The following WAPL variants were observed in gnomAD, a reference collection of about 807,000 sequenced individuals.
WAPL encodes the protein wings apart-like protein homolog.
Under a neutral mutation model 121.0 loss-of-function variants are expected in WAPL, and 5 were observed. The observed-to-expected ratio is 0.04, with a 90% CI of 0.02 to 0.09. WAPL has a LOEUF of 0.09. Ranked by LOEUF, WAPL falls within the 10% of genes least tolerant of loss-of-function variation. WAPL has a pLI of 1.00. For synonymous variants in WAPL, 480 were observed against 481.5 expected (o/e 1.00, Z 0.04); for missense variants, 999 against 1,410.8 (o/e 0.71, Z 4.68).
chr10:86,467,584 A>C, intron 8 of WAPL, 78 bp from the exon 9 acceptor site: 1 of 1,083,190 alleles, frequency 9.2e-7, no homozygotes, highest in Non-Finnish European at 1.3e-6. Flanking sequence ...AAGACTATTA[A>C]TGACTTTTGT....
At position 86,437,478 on chromosome 10, in the gene WAPL, C is replaced by T. The variant is rs1849352867; in HGVS notation, c.*65G>A. 6.5e-7 allele frequency: 1 copy of T among 1,540,448 alleles called. No homozygotes were observed. Among genetic ancestry groups the T allele is most frequent in the Middle Eastern group, 1.7e-4 (1 of 5,882 alleles). On this transcript the variant is annotated 3_prime_UTR_variant, in exon 19 of 19. Coordinates refer to ENST00000298767, the MANE Select transcript of WAPL (RefSeq NM_015045.5). ...ATATCTTCAAGGACTTCTTTCATGACTTGACTTTTCTTTGTCTAAGGATAG... is the reference window on the plus strand; with the variant it reads ...ATATCTTCAAGGACTTCTTTCATGATTTGACTTTTCTTTGTCTAAGGATAG...
chr10:86,467,394 T>C lies in WAPL; in HGVS notation c.2255A>G (p.Gln752Arg), dbSNP rs1483852139. 1 of 1,614,146 alleles carries C rather than the reference T, an allele frequency of 6.2e-7. No homozygotes were observed. The highest frequency in any genetic ancestry group is 8.5e-7 in the Non-Finnish European group (1 of 1,180,018). ...DLMIRLLELEQDASSAKLLNE... is the reference protein window; with the variant it reads ...DLMIRLLELERDASSAKLLNE... ...CAGTAGCTTGGCTGATGAAGCATCT[T>C]GTTCCAGTTCCAAAAGTCGAATCAT... is the stretch of plus-strand genomic sequence containing the variant. Residue 752 changes from glutamine to arginine, a missense_variant, in exon 9 of 19, where the codon CAA becomes CGA. Around this residue, in one of 7 missense-constraint regions of WAPL, gnomAD observed 118 missense variants for 318.3 expected, o/e 0.37. Coordinates refer to ENST00000298767, the MANE Select transcript of WAPL (RefSeq NM_015045.5).
At chr10:86,518,162 A>C in intron 1 of WAPL, 71 bp from the exon 2 acceptor site, 1 of 1,419,872 alleles carries the variant, frequency 7.0e-7, no homozygotes, top group Non-Finnish European at 9.4e-7. Context: ...TAAAAATAAA[A>C]ACCTAGGGAT....
At chr10:86,461,135 TTAAA>T (rs1841263105) in intron 10 of WAPL, 37 bp downstream of exon 10, 1 of 1,461,926 alleles carries the variant, frequency 6.8e-7, no homozygotes. Context: ...TCTTCAGGCT[TTAAA>T]TAATATATAA....
At chr10:86,479,461 C>G (rs1841732310) in intron 4 of WAPL, among the ~76,000 whole-genome samples, 1 of 152,160 alleles carries the variant, frequency 6.6e-6, no homozygotes, top group Non-Finnish European at 1.5e-5. Context: ...GCCATGTTGG[C>G]CAGGCTGGTC....
chr10:86,491,678 T>C (rs1842051669), intron 4 of WAPL, among the ~76,000 whole-genome samples: 1 of 148,542 alleles, frequency 6.7e-6, no homozygotes. Context: ...TTCAAAAGGA[T>C]ACAAGAGACC....
intron 2 of WAPL, among the ~76,000 whole-genome samples, chr10:86,506,513 G>A (rs530936857): frequency 1.1e-4 from 17 of 152,162 alleles, no homozygotes; most frequent in African/African-American, 3.9e-4. Flanking sequence ...GGTGGCTCAC[G>A]CCTGTAATCC....
At chr10:86,492,978 G>C (rs1008227942) in intron 4 of WAPL, among the ~76,000 whole-genome samples, 1 of 151,728 alleles carries the variant, frequency 6.6e-6, no homozygotes, top group Non-Finnish European at 1.5e-5. Flanking sequence ...GGAGAATGGC[G>C]TGAATCCAGG....
At chr10:86,444,478 A>G (rs1849552916) in intron 16 of WAPL, among the ~76,000 whole-genome samples, 2 of 152,226 alleles carry the variant, frequency 1.3e-5, no homozygotes, top group Admixed American at 1.3e-4. Flanking sequence ...ATATTATGGA[A>G]TATTATTTGT....
At chr10:86,454,646 A>G (rs1263005838) in intron 12 of WAPL, among the ~76,000 whole-genome samples, 1 of 152,146 alleles carries the variant, frequency 6.6e-6, no homozygotes, top group Non-Finnish European at 1.5e-5. Context: ...GCCTCTGCCC[A>G]GCCGCCACCC....
intron 16 of WAPL, among the ~76,000 whole-genome samples, chr10:86,444,892 C>CAAAAAAAAAAAAAAAAA (rs35307250): frequency 1.5e-5 from 1 of 68,194 alleles, no homozygotes; most frequent in Admixed American, 1.7e-4. Context: ...GTTATTACGC[C>CAAAAAAAAAAAAAAAAA]AAAAAAAAAA....
chr10:86,458,328 G>C (rs1309482342), intron 12 of WAPL, among the ~76,000 whole-genome samples: 1 of 152,192 alleles, frequency 6.6e-6, no homozygotes, highest in Non-Finnish European at 1.5e-5. Context: ...ACATACTTGG[G>C]AATTTTACCT....
intron 2 of WAPL, among the ~76,000 whole-genome samples, chr10:86,502,256 G>C (rs1476482794): frequency 1.3e-5 from 2 of 152,150 alleles, no homozygotes; most frequent in African/African-American, 4.8e-5. Context: ...ATACTATGCA[G>C]TTGTTAAAAA....
intron 4 of WAPL, among the ~76,000 whole-genome samples, chr10:86,494,649 G>A (rs1842116856): frequency 6.6e-6 from 1 of 152,182 alleles, no homozygotes. Context: ...TCATTTGAAA[G>A]ATTTGCATAA....
chr10:86,461,367 T>TACATGTA, intron 9 of WAPL, 80 bp from the exon 10 acceptor site: 2 of 1,099,848 alleles, frequency 1.8e-6, no homozygotes, highest in South Asian at 1.4e-5. Flanking sequence ...AAAAATTTAC[T>TACATGTA]GCATGCTACA....
At chr10:86,508,801 C>T (rs996976882) in intron 2 of WAPL, among the ~76,000 whole-genome samples, 3 of 133,262 alleles carry the variant, frequency 2.3e-5, no homozygotes, top group Non-Finnish European at 4.6e-5. Context: ...GTCACCCAGG[C>T]TGGAGTGCAG....
chr10:86,478,097 T>C (rs1589517714), intron 4 of WAPL, among the ~76,000 whole-genome samples: 1 of 141,430 alleles, frequency 7.1e-6, no homozygotes, highest in Non-Finnish European at 1.5e-5. Context: ...AGATACAGCA[T>C]ATAAACCAGA....
At chr10:86,503,645 C>T (rs572467293) in intron 2 of WAPL, among the ~76,000 whole-genome samples, 135 of 150,920 alleles carry the variant, frequency 8.9e-4, no homozygotes, top group Middle Eastern at 3.5e-3. Flanking sequence ...TCCAGCTACC[C>T]GGGAGGCTGA....
chr10:86,442,418 T>C (rs1316061283), intron 17 of WAPL, among the ~76,000 whole-genome samples: 2 of 152,208 alleles, frequency 1.3e-5, no homozygotes, highest in African/African-American at 4.8e-5. Flanking sequence ...TATTATATAC[T>C]ATTTTGATTT....
Sources: gnomAD v4.1 joint callset for allele counts (sites outside exome capture counted in the v4.1 genomes callset) on GRCh38, gnomAD v4.1.1 for gene constraint, gnomAD v4.1.1 regional missense constraint, MANE v1.5 for transcripts, NCBI Gene and HGNC (gene_info 2026-07-23, HGNC 2026-07-21) for gene names.